The following ASTN1 variants were observed in gnomAD, a reference collection of about 807,000 sequenced individuals.
ASTN1 encodes the protein astrotactin-1.
ASTN1 carries 41 observed loss-of-function variants against 140.7 expected under a neutral mutation model. The ratio of observed to expected loss-of-function variants is 0.29; its 90% CI spans 0.23 to 0.38. The LOEUF (loss-of-function observed/expected upper bound fraction) is 0.38, where lower values mean the gene tolerates loss of function less well. Among genes scored for constraint, ASTN1 ranks in the 10% least tolerant of loss-of-function variants. The pLI is 1.00. For missense variants in ASTN1, 1,479 were observed against 1,678.8 expected (o/e 0.88, Z 2.08); for synonymous variants, 640 against 652.2 (o/e 0.98, Z 0.29).
intron 1 of ASTN1, among the ~76,000 whole-genome samples, chr1:177,135,122 C>T (rs1018547716): frequency 6.6e-6 from 1 of 152,104 alleles, no homozygotes; most frequent in Non-Finnish European, 1.5e-5. Context: ...TGGGACGTTG[C>T]TTTTGCTTTG....
intron 1 of ASTN1, among the ~76,000 whole-genome samples, chr1:177,108,601 T>C (rs1680665765): frequency 6.6e-6 from 1 of 152,192 alleles, no homozygotes; most frequent in Non-Finnish European, 1.5e-5. Context: ...CATATCTTAT[T>C]TTCTTTATCC....
chr1:177,057,939 G>C (rs1677894990), intron 2 of ASTN1, among the ~76,000 whole-genome samples: 1 of 152,190 alleles, frequency 6.6e-6, no homozygotes, highest in African/African-American at 2.4e-5. Context: ...ACCACCACTT[G>C]AGTCTCTTAG....
chr1:176,968,550 GC>G (rs1672993628), intron 8 of ASTN1, among the ~76,000 whole-genome samples: 1 of 152,222 alleles, frequency 6.6e-6, no homozygotes, highest in African/African-American at 2.4e-5. Context: ...AACACAAAGA[GC>G]AGGGAAGTGC....
At chr1:176,900,851 A>T (rs540542816) in intron 16 of ASTN1, among the ~76,000 whole-genome samples, 41 of 152,152 alleles carry the variant, frequency 2.7e-4, no homozygotes, top group Non-Finnish European at 5.1e-4. Flanking sequence ...CACCACCAAC[A>T]CCATCGGATG....
chr1:177,127,137 TTA>T (rs201180320), intron 1 of ASTN1, among the ~76,000 whole-genome samples: 164 of 149,076 alleles, frequency 1.1e-3, no homozygotes, highest in African/African-American at 3.9e-3. Context: ...AAATGAAGTT[TTA>T]TTTTTTTTTA....
chr1:176,895,861 T>G (rs1051649969), intron 16 of ASTN1, among the ~76,000 whole-genome samples: 1 of 152,210 alleles, frequency 6.6e-6, no homozygotes, highest in Non-Finnish European at 1.5e-5. Flanking sequence ...TCATCACTTC[T>G]TTTTGCACAG....
intron 16 of ASTN1, among the ~76,000 whole-genome samples, chr1:176,898,917 A>G (rs1439368808): frequency 6.6e-6 from 1 of 152,202 alleles, no homozygotes; most frequent in East Asian, 1.9e-4. Context: ...GACAGAAGAA[A>G]TAAGCTACAA....
intron 14 of ASTN1, among the ~76,000 whole-genome samples, chr1:176,938,660 C>A (rs1671554425): frequency 6.6e-6 from 1 of 152,240 alleles, no homozygotes; most frequent in African/African-American, 2.4e-5. Flanking sequence ...GTGAGATGAT[C>A]TCTTGCTTTC....
chr1:177,039,278 G>C (rs146756455), intron 2 of ASTN1, among the ~76,000 whole-genome samples: 2,269 of 152,244 alleles, frequency 0.015, 34 homozygotes, highest in Middle Eastern at 0.048. Flanking sequence ...ATTAAATAGT[G>C]GTTACAAAAT....
chr1:176,858,278 A>T (rs1214353522), downstream of ASTN1, among the ~76,000 whole-genome samples: 1 of 152,212 alleles, frequency 6.6e-6, no homozygotes, highest in Non-Finnish European at 1.5e-5. Context: ...ACTCCCACAT[A>T]TGTCCACAGA....
At chr1:176,999,575 G>C (rs1250685529) in intron 8 of ASTN1, among the ~76,000 whole-genome samples, 4 of 152,216 alleles carry the variant, frequency 2.6e-5, no homozygotes, top group Non-Finnish European at 5.9e-5. Flanking sequence ...AGATCTCTAA[G>C]TGAAGCAGGG....
At chr1:176,859,956 G>A (rs1360020815), downstream of ASTN1, among the ~76,000 whole-genome samples, 1 of 152,180 alleles carries the variant, frequency 6.6e-6, no homozygotes, top group Non-Finnish European at 1.5e-5. Context: ...GATACCACCA[G>A]TCTTGGGGTC....
intron 7 of ASTN1, among the ~76,000 whole-genome samples, chr1:177,021,147 G>C (rs1241815231): frequency 6.6e-6 from 1 of 152,230 alleles, no homozygotes; most frequent in African/African-American, 2.4e-5. Context: ...CAGCATTCAT[G>C]AAAATGAGAG....
At chr1:176,949,401 G>A (rs1264089484) in intron 11 of ASTN1, 50 bp from the exon 12 acceptor site, 3 of 1,572,298 alleles carry the variant, frequency 1.9e-6, no homozygotes, top group African/African-American at 2.7e-5. Context: ...GGGGAACTGA[G>A]TTCTCTGGGA....
At chr1:177,139,549 A>C (rs142509020) in intron 1 of ASTN1, among the ~76,000 whole-genome samples, 3 of 152,242 alleles carry the variant, frequency 2.0e-5, no homozygotes, top group African/African-American at 7.2e-5. Context: ...GCCTTGTTAG[A>C]GCACAGTCAT....
At chr1:177,163,755 G>A (rs1015172889) in intron 1 of ASTN1, among the ~76,000 whole-genome samples, 2 of 152,156 alleles carry the variant, frequency 1.3e-5, no homozygotes, top group African/African-American at 4.8e-5. Context: ...GTGTGGATGT[G>A]GTTGAATTAG....
chr1:176,986,770 T>C (rs1046324532), intron 8 of ASTN1, among the ~76,000 whole-genome samples: 3 of 152,184 alleles, frequency 2.0e-5, no homozygotes, highest in African/African-American at 7.2e-5. Context: ...ATTCACCTTA[T>C]TGGATACTAA....
At chr1:177,012,765 T>C (rs1675353414) in intron 8 of ASTN1, among the ~76,000 whole-genome samples, 2 of 152,200 alleles carry the variant, frequency 1.3e-5, no homozygotes, top group Admixed American at 1.3e-4. Flanking sequence ...AGGCTAGAGA[T>C]GTGGAGGCTT....
Position 176,934,293 on chromosome 1 carries a change from C to T in ASTN1, c.2530G>A (p.Asp844Asn). 1 of 1,613,988 alleles carries T rather than the reference C, an allele frequency of 6.2e-7. No individual in the cohort carries two copies. The highest frequency in any genetic ancestry group is 8.5e-7 in the Non-Finnish European group (1 of 1,179,920). The change falls in exon 16 of 23, where the codon GAT (aspartate) becomes AAT (asparagine). Residue 844 changes from aspartate (D) to asparagine (N), a missense_variant. Coordinates refer to ENST00000361833, the MANE Select transcript of ASTN1 (RefSeq NM_004319.3). ...HSLDGATSRA[D>N]FVALLDQFGN... is the part of the protein sequence containing the mutation. ...AACTGGTCCAACAGCGCCACAAAAT[C>T]TGCACGAGATGTAGCCCCATCCAGC...
Sources: allele counts gnomAD v4.1 joint callset (sites outside exome capture counted in the v4.1 genomes callset), GRCh38; gene constraint gnomAD v4.1.1; transcripts MANE v1.5; gene names NCBI Gene and HGNC (gene_info 2026-07-23, HGNC 2026-07-21).